Variants in OR7C1 observed in about 807,000 individuals in gnomAD.
OR7C1 encodes olfactory receptor family 7 subfamily C member 1.
For missense variants in OR7C1, 324 were observed against 383.3 expected, an observed-to-expected ratio of 0.85 and a Z score of 1.29; for synonymous variants, 152 against 160.7, an observed-to-expected ratio of 0.95 and a Z score of 0.41.
At chr19:14,834,649 T>G (rs113298110) in intron 1 of OR7C1, among the ~76,000 whole-genome samples, 2,668 of 149,916 alleles carry the variant, frequency 0.018, 71 homozygotes, top group African/African-American at 0.063. Context: ...TGGATTTTTC[T>G]CACGGGCATA....
intron 1 of OR7C1, chr19:14,825,591 T>G (rs1224071297): frequency 6.6e-6 from 1 of 152,242 alleles, no homozygotes; most frequent in Non-Finnish European, 1.5e-5. Flanking sequence ...GCCTCTGCCA[T>G]GCAAACAAGT....
At chr19:14,821,286 G>A (rs1320173297) in intron 1 of OR7C1, 1 of 152,130 alleles carries the variant, frequency 6.6e-6, no homozygotes, top group East Asian at 1.9e-4. Flanking sequence ...CCATAAATAT[G>A]GAATAGATAC....
chr19:14,803,061 C>G (rs2044649176), intron 2 of OR7C1, among the ~76,000 whole-genome samples: 1 of 152,016 alleles, frequency 6.6e-6, no homozygotes, highest in African/African-American at 2.4e-5. Flanking sequence ...AATCTCAGCA[C>G]TTTGGGAGGC....
chr19:14,803,793 T>G (rs1392034656), intron 2 of OR7C1, among the ~76,000 whole-genome samples: 1 of 151,970 alleles, frequency 6.6e-6, no homozygotes, highest in East Asian at 1.9e-4. Flanking sequence ...CACTTCAACC[T>G]CTGCCTCCTG....
exon 5 of OR7C1, chr19:14,799,330 C>T (rs756059828): frequency 6.2e-7 from 1 of 1,614,082 alleles, no homozygotes; most frequent in Non-Finnish European, 8.5e-7. Context: ...CCAGACTTGT[C>T]CTAGAAGATG....
intron 1 of OR7C1, among the ~76,000 whole-genome samples, chr19:14,813,383 GTC>G (rs892138785): frequency 3.3e-5 from 5 of 151,348 alleles, no homozygotes; most frequent in Non-Finnish European, 7.4e-5. Context: ...GTGAAACCCT[GTC>G]TCTACTAAAA....
chr19:14,799,031 A>C, exon 5 of OR7C1: 1 of 1,045,900 alleles, frequency 9.6e-7, no homozygotes, highest in Non-Finnish European at 1.3e-6. Flanking sequence ...GGCCCTCCCT[A>C]TCTACCTAAA....
At chr19:14,809,533 G>A (rs894456667) in intron 2 of OR7C1, among the ~76,000 whole-genome samples, 30 of 151,594 alleles carry the variant, frequency 2.0e-4, no homozygotes, top group Admixed American at 1.9e-3. Context: ...AAGAAACAGA[G>A]ATTGGAAGCA....
intron 1 of OR7C1, among the ~76,000 whole-genome samples, chr19:14,813,228 T>C (rs2044699529): frequency 6.6e-6 from 1 of 151,994 alleles, no homozygotes; most frequent in African/African-American, 2.4e-5. Flanking sequence ...AAAATAATTA[T>C]ACACTGTATT....
At chr19:14,827,694 T>G (rs1420358024) in intron 1 of OR7C1, 1 of 1,614,140 alleles carries the variant, frequency 6.2e-7, no homozygotes, top group Non-Finnish European at 8.5e-7. Flanking sequence ...TTGGATGACC[T>G]GATTAAGTTC....
chr19:14,810,834 T>A (rs2044687852), intron 1 of OR7C1, among the ~76,000 whole-genome samples: 1 of 151,952 alleles, frequency 6.6e-6, no homozygotes, highest in Admixed American at 6.6e-5. Flanking sequence ...TGTCTCAGTT[T>A]CTCTGAGTTC....
chr19:14,827,680 C>A, intron 1 of OR7C1: 1 of 1,614,166 alleles, frequency 6.2e-7, no homozygotes, highest in Non-Finnish European at 8.5e-7. Context: ...TCAGAACAAG[C>A]AAGTTGGATG....
chr19:14,817,456 C>G (rs1438939661), intron 1 of OR7C1, among the ~76,000 whole-genome samples: 1 of 152,200 alleles, frequency 6.6e-6, no homozygotes, highest in Non-Finnish European at 1.5e-5. Flanking sequence ...TTCCTGCTGT[C>G]TCGTCTGGGG....
At chr19:14,817,054 G>GA (rs1414992003) in intron 1 of OR7C1, among the ~76,000 whole-genome samples, 2 of 151,514 alleles carry the variant, frequency 1.3e-5, no homozygotes, top group African/African-American at 2.4e-5. Context: ...ATACAATAGA[G>GA]AAAAAAAATG....
At position 14,799,328 on chromosome 19, in the gene OR7C1, G is replaced by T. The variant is rs1422389961; in HGVS notation, c.809C>A (p.Thr270Lys). ...GTACATCACTGAGGCCACCAGACTT[G>T]TCCTAGAAGATGGTGTGGCTGCAGA... The change falls in exon 5 of 5, where the codon ACA becomes AAA. Residue 270 changes from threonine to lysine, a missense_variant. Thr to Lys is a moderately conservative substitution (Grantham distance 78). Transcript: ENST00000641666. 4 of 1,614,054 alleles carry T rather than the reference G, an allele frequency of 2.5e-6. No individual in the cohort carries two copies. The Admixed American group carries it at 5.0e-5, about 20-fold the overall frequency.
At chr19:14,800,364 A>G (rs943307725) in exon 4 of OR7C1, 32 of 484,830 alleles carry the variant, frequency 6.6e-5, no homozygotes, top group Non-Finnish European at 1.0e-4. Context: ...TGTACCCTCT[A>G]TAGCCTGGCT....
At chr19:14,811,876 A>G (rs553392570) in intron 1 of OR7C1, among the ~76,000 whole-genome samples, 16 of 152,108 alleles carry the variant, frequency 1.1e-4, no homozygotes, top group African/African-American at 3.6e-4. Context: ...TCACTTGCTC[A>G]CCTGCTGCTC....
chr19:14,801,353 A>G (rs1239226129), intron 2 of OR7C1, among the ~76,000 whole-genome samples: 2 of 152,226 alleles, frequency 1.3e-5, no homozygotes, highest in African/African-American at 2.4e-5. Context: ...TGACATGTTT[A>G]CAATAATTTG....
At chr19:14,807,378 A>G (rs1050376535) in intron 2 of OR7C1, among the ~76,000 whole-genome samples, 2 of 151,872 alleles carry the variant, frequency 1.3e-5, no homozygotes, top group Admixed American at 1.3e-4. Flanking sequence ...AAGATACTAT[A>G]TTTTCCACTC....
Sources: allele counts gnomAD v4.1 joint callset (sites outside exome capture counted in the v4.1 genomes callset), GRCh38; gene constraint gnomAD v4.1.1; transcripts MANE v1.5; gene names NCBI Gene and HGNC (gene_info 2026-07-23, HGNC 2026-07-21).